Variants in TBC1D12 observed in about 807,000 individuals in gnomAD.
TBC1D12 encodes TBC1 domain family member 12.
In TBC1D12, 56 loss-of-function variants were observed where a neutral mutation model predicts 86.7. The ratio of observed to expected loss-of-function variants is 0.65; its 90% CI spans 0.52 to 0.81. The LOEUF (loss-of-function observed/expected upper bound fraction) is 0.81, where lower values mean the gene tolerates loss of function less well. Among genes scored for constraint, TBC1D12 ranks in the 30% least tolerant of loss-of-function variants. The pLI is 0.00. For synonymous variants in TBC1D12, 421 were observed against 411.7 expected (o/e 1.02, Z -0.27); for missense variants, 1,023 against 1,038.8 (o/e 0.98, Z 0.21).
chr10:94,424,084 A>G (rs2055116285), intron 1 of TBC1D12, among the ~76,000 whole-genome samples: 1 of 152,240 alleles, frequency 6.6e-6, no homozygotes, highest in African/African-American at 2.4e-5. Flanking sequence ...AGTATACAAG[A>G]AGATGTGTAT....
chr10:94,510,193 AC>A lies in TBC1D12; in HGVS notation c.1689+16del. On this transcript the variant is annotated intron_variant, in intron 8 of 12. Transcript: ENST00000225235. ...ATCTTTCAGAAGGTGAGGGTTTCTA[AC>A]CAGCTTGTAATTACTTAAAAAAAAT... 6.5e-7 allele frequency: 1 copy of A among 1,542,312 alleles called. No individual in the cohort carries two copies. Among genetic ancestry groups the A allele is most frequent in the Non-Finnish European group, 8.7e-7 (1 of 1,145,244 alleles).
intron 9 of TBC1D12, among the ~76,000 whole-genome samples, chr10:94,519,320 CA>C (rs1334894324): frequency 6.6e-6 from 1 of 152,124 alleles, no homozygotes; most frequent in African/African-American, 2.4e-5. Flanking sequence ...CAACTATGAA[CA>C]AACAAACATG....
intron 3 of TBC1D12, among the ~76,000 whole-genome samples, chr10:94,480,677 C>A (rs2056063916): frequency 6.6e-6 from 1 of 151,136 alleles, no homozygotes; most frequent in African/African-American, 2.4e-5. Flanking sequence ...CACAGCAAAA[C>A]CTTGTCTCTA....
rs759768349 is a variant in TBC1D12 at position 94,403,460 on chromosome 10, C to G, written c.847C>G (p.Gln283Glu). ...SRNTFQVSRGQSARDHLPPAG... is the reference protein window; with the variant it reads ...SRNTFQVSRGESARDHLPPAG... ...CAACACGTTCCAGGTGAGCCGCGGT[C>G]AGAGCGCCCGCGATCACCTGCCCCC... is the stretch of plus-strand genomic sequence containing the variant. The change falls in exon 1 of 13, where the codon CAG (glutamine) becomes GAG (glutamate). Residue 283 changes from glutamine (Q) to glutamate (E), a missense_variant. Transcript: ENST00000225235. 1.3e-6 allele frequency: 2 copies of G among 1,543,736 alleles called. No individual in the cohort carries two copies. The highest frequency in any genetic ancestry group is 1.7e-6 in the Non-Finnish European group (2 of 1,145,246).
intron 2 of TBC1D12, among the ~76,000 whole-genome samples, chr10:94,453,191 C>A (rs1168392052): frequency 1.3e-5 from 2 of 152,214 alleles, no homozygotes; most frequent in Middle Eastern, 3.4e-3. Flanking sequence ...GTCAGGCATG[C>A]CTTTGGCAAA....
At chr10:94,457,255 T>C (rs1481335941) in intron 2 of TBC1D12, among the ~76,000 whole-genome samples, 1 of 152,114 alleles carries the variant, frequency 6.6e-6, no homozygotes, top group Admixed American at 6.6e-5. Flanking sequence ...TCCCTCCCCT[T>C]GTCTCCCCAC....
intron 6 of TBC1D12, among the ~76,000 whole-genome samples, chr10:94,505,762 G>T (rs1282495641): frequency 6.6e-6 from 1 of 152,094 alleles, no homozygotes; most frequent in Non-Finnish European, 1.5e-5. Flanking sequence ...ACTCGTTATG[G>T]TATAGTCATT....
chr10:94,410,956 A>C (rs1369015949), intron 1 of TBC1D12, among the ~76,000 whole-genome samples: 3 of 152,232 alleles, frequency 2.0e-5, no homozygotes, highest in African/African-American at 4.8e-5. Context: ...ACAGTAGTGG[A>C]CCACAAATAT....
chr10:94,446,939 G>A (rs2055471606), intron 2 of TBC1D12, among the ~76,000 whole-genome samples: 1 of 151,564 alleles, frequency 6.6e-6, no homozygotes, highest in Non-Finnish European at 1.5e-5. Context: ...TGGCCATAGT[G>A]GTGCTTACCT....
intron 1 of TBC1D12, among the ~76,000 whole-genome samples, chr10:94,435,801 CAAAAGTT>C (rs1227496512): frequency 6.6e-6 from 1 of 152,126 alleles, no homozygotes; most frequent in Non-Finnish European, 1.5e-5. Context: ...CTAAAGCTTT[CAAAAGTT>C]TGCCTTTCGT....
chr10:94,475,767 T>A (rs1242253717), intron 3 of TBC1D12, among the ~76,000 whole-genome samples: 4 of 152,194 alleles, frequency 2.6e-5, no homozygotes, highest in African/African-American at 9.6e-5. Context: ...CAGCAAAACA[T>A]CTTAAATTGT....
At chr10:94,444,224 T>C (rs1351959048) in intron 2 of TBC1D12, among the ~76,000 whole-genome samples, 1 of 150,828 alleles carries the variant, frequency 6.6e-6, no homozygotes, top group Non-Finnish European at 1.5e-5. Context: ...TCAATTTATG[T>C]GTATTTTTTT....
rs60477158 is a variant in TBC1D12 at position 94,437,991 on chromosome 10, C to CT, written c.972-3878dup. On this transcript the variant is annotated intron_variant, in intron 1 of 12. Transcript: ENST00000225235. ...TTTTTTCTTTTTCAATCTCCTGGAGCTTTTTTTTTTTTTTTTTTTTTTTTT... is the reference window on the plus strand; with the variant it reads ...TTTTTTCTTTTTCAATCTCCTGGAGCTTTTTTTTTTTTTTTTTTTTTTTTTT... Among the ~76,000 whole-genome samples the CT allele has an allele frequency of 3.2e-3, 95 of 30,048 alleles. 8 individuals carry two copies. Among genetic ancestry groups the CT allele is most frequent in the African/African-American group, 0.012 (74 of 6,336 alleles). The allele number at this position is 30,048 out of a possible 152,430, so 19.7% of individuals were successfully genotyped here.
intron 1 of TBC1D12, among the ~76,000 whole-genome samples, chr10:94,421,665 G>T (rs755552502): frequency 6.6e-6 from 1 of 152,088 alleles, no homozygotes; most frequent in Non-Finnish European, 1.5e-5. Flanking sequence ...ATGAATGAGG[G>T]TTCCAGTTTC....
chr10:94,424,535 C>T (rs1263454631), intron 1 of TBC1D12, among the ~76,000 whole-genome samples: 1 of 152,188 alleles, frequency 6.6e-6, no homozygotes, highest in Non-Finnish European at 1.5e-5. Context: ...TAAGGCCTTT[C>T]TGTTGAAACC....
intron 6 of TBC1D12, 30 bp downstream of exon 6, chr10:94,500,357 A>G: frequency 6.3e-7 from 1 of 1,584,220 alleles, no homozygotes; most frequent in South Asian, 1.1e-5. Context: ...TTATTCCCAC[A>G]TGTACAAATA....
Position 94,459,559 on chromosome 10 carries a change from G to A in TBC1D12, c.1096-15109G>A, listed in dbSNP as rs1168328935. ...ATGGAGCAGGCGGCGGTGCCCGTCG[G>A]GGAGGCTCGGGCCGCGCAGGAGCCC... On this transcript the variant is annotated intron_variant, in intron 2 of 12. Coordinates refer to ENST00000225235, the MANE Select transcript of TBC1D12 (RefSeq NM_015188.2). 3.3e-5 allele frequency among the ~76,000 whole-genome samples: 5 copies of A among 152,356 alleles called. No individual in the cohort carries two copies. In the East Asian group the frequency reaches 7.7e-4, roughly 24 times the overall value.
chr10:94,515,432 C>T (rs1412140874), intron 9 of TBC1D12, among the ~76,000 whole-genome samples: 1 of 151,826 alleles, frequency 6.6e-6, no homozygotes, highest in East Asian at 1.9e-4. Flanking sequence ...ACTGCACCCT[C>T]CACCTTCTGG....
chr10:94,529,718 T>A (rs1434243011), intron 11 of TBC1D12, among the ~76,000 whole-genome samples: 1 of 152,104 alleles, frequency 6.6e-6, no homozygotes, highest in African/African-American at 2.4e-5. Context: ...TTTTTTAATA[T>A]TATGGGACTG....
Sources: gnomAD v4.1 joint callset for allele counts (sites outside exome capture counted in the v4.1 genomes callset) on GRCh38, gnomAD v4.1.1 for gene constraint, MANE v1.5 for transcripts, NCBI Gene and HGNC (gene_info 2026-07-23, HGNC 2026-07-21) for gene names.